The following ATPAF1 variants were observed in gnomAD, a reference collection of about 807,000 sequenced individuals.
ATPAF1 encodes the protein ATP synthase mitochondrial F1 complex assembly factor 1.
ATPAF1 carries 26 observed loss-of-function variants against 43.9 expected under a neutral mutation model. The observed-to-expected ratio is 0.59, with a 90% CI of 0.43 to 0.82. The LOEUF is 0.82. Ranked by LOEUF, ATPAF1 falls within the 40% of genes least tolerant of loss-of-function variation. ATPAF1 has a pLI of 0.00. For synonymous variants in ATPAF1, 157 were observed against 168.0 expected, an observed-to-expected ratio of 0.93 and a Z score of 0.50; for missense variants, 366 against 435.0, an observed-to-expected ratio of 0.84 and a Z score of 1.41.
chr1:46,658,598 A>C, intron 3 of ATPAF1, 89 bp downstream of exon 3: 1 of 943,854 alleles, frequency 1.1e-6, no homozygotes, highest in Non-Finnish European at 1.6e-6. Context: ...TCACTGAGCC[A>C]CAGTACTTAT....
chr1:46,665,628 T>C (rs1557430124), intron 1 of ATPAF1: 38 of 1,520,038 alleles, frequency 2.5e-5, no homozygotes, highest in Non-Finnish European at 3.2e-5. Flanking sequence ...ACACAGGGCT[T>C]AGTCTCTCAG....
chr1:46,641,418 TTCTC>T (rs1487842227), intron 8 of ATPAF1, among the ~76,000 whole-genome samples: 1 of 152,166 alleles, frequency 6.6e-6, no homozygotes, highest in African/African-American at 2.4e-5. Context: ...TATGTTTTCT[TTCTC>T]ATATTTGAAA....
chr1:46,668,151 C>T lies in ATPAF1; in HGVS notation c.172G>A (p.Gly58Arg), dbSNP rs758830832. The change falls in exon 1 of 9, where the codon GGG becomes AGG. Residue 58 changes from glycine (G) to arginine (R), a missense_variant. Physicochemically the swap from Gly to Arg is moderately radical, Grantham distance 125 (BLOSUM62 -2). This residue lies in a region of ATPAF1 where 186 missense variants were observed against 168.5 expected (regional missense o/e 1.10). Coordinates refer to ENST00000574428, the Ensembl canonical transcript of ATPAF1. The surrounding 1 kb of genome is among the most constrained non-coding windows in gnomAD (Gnocchi z 4.4). Reference sequence around the variant, plus strand: ...CCGACCCCGCTGCTGTCGGCGCCCCCCTCGGGCCGGCCCGAGCCGGGGCGC... The same window carrying T: ...CCGACCCCGCTGCTGTCGGCGCCCCTCTCGGGCCGGCCCGAGCCGGGGCGC... 4 of 1,404,792 alleles carry T rather than the reference C, an allele frequency of 2.8e-6. No individual in the cohort carries two copies. Among genetic ancestry groups the T allele is most frequent in the South Asian group, 1.6e-5 (1 of 64,446 alleles). 87.0% of individuals were successfully genotyped at this position (1,404,792 alleles called of 1,614,324 possible).
In ATPAF1 at chr1:46,653,797, T is replaced by C; in HGVS notation, c.540+20A>G. 1.2e-6 allele frequency: 2 copies of C among 1,602,568 alleles called. No individual in the cohort carries two copies. Among genetic ancestry groups the C allele is most frequent in the Non-Finnish European group, 1.7e-6 (2 of 1,174,596 alleles). ...ACTTTCATGTTGTAACACTTTCACT[T>C]TGCCCTCCAAACTACTTACAGGAAT... On this transcript the variant is annotated intron_variant, in intron 5 of 8. Coordinates refer to ENST00000574428, the Ensembl canonical transcript of ATPAF1. The surrounding 1 kb of genome is among the most constrained non-coding windows in gnomAD (Gnocchi z 4.8).
At chr1:46,643,936 G>C (rs1401360194) in intron 7 of ATPAF1, among the ~76,000 whole-genome samples, 1 of 152,044 alleles carries the variant, frequency 6.6e-6, no homozygotes, top group African/African-American at 2.4e-5. Flanking sequence ...TAGCACAGGT[G>C]GAAACAACTA....
chr1:46,650,306 T>C (rs528788045), intron 6 of ATPAF1, among the ~76,000 whole-genome samples: 2 of 151,936 alleles, frequency 1.3e-5, no homozygotes, highest in East Asian at 3.9e-4. Flanking sequence ...GGAGGGTCAT[T>C]TGAGGCCAGG....
chr1:46,654,280 T>C lies in ATPAF1; in HGVS notation c.490-413A>G, dbSNP rs80311253. ...GGCAGACCTGGATGCGAATCTCAGC[T>C]CCAGTCATTTACTAGCTATACTACC... On this transcript the variant is annotated intron_variant, in intron 4 of 8. Transcript: ENST00000574428. Among the ~76,000 whole-genome samples the C allele has an allele frequency of 5.9e-3, 898 of 152,146 alleles. 11 individuals carry two copies. Among genetic ancestry groups the C allele is most frequent in the East Asian group, 0.033 (173 of 5,184 alleles).
chr1:46,658,089 A>T (rs746282726), intron 4 of ATPAF1, 38 bp downstream of exon 4: 1 of 1,582,530 alleles, frequency 6.3e-7, no homozygotes, highest in Admixed American at 1.8e-5. Flanking sequence ...CAGAATTCAC[A>T]TTTTCATAGA....
Position 46,659,611 on chromosome 1 carries a change from G to A in ATPAF1, c.376-874C>T, listed in dbSNP as rs117791252. On this transcript the variant is annotated intron_variant, in intron 2 of 8. Coordinates refer to ENST00000574428, the Ensembl canonical transcript of ATPAF1. The stretch of plus-strand genomic sequence containing the variant: ...CAACTGAAAGTGATTATTTTGTCTC[G>A]TAGCCATTATCTCTCATAAAGGTCA... Among the ~76,000 whole-genome samples, 2,380 of 152,212 alleles carry A rather than the reference G, an allele frequency of 0.016. 126 individuals carry two copies. The East Asian group carries it at 0.19, about 12-fold the overall frequency.
chr1:46,641,363 G>C (rs1402692964), intron 8 of ATPAF1, among the ~76,000 whole-genome samples: 1 of 34,304 alleles, frequency 2.9e-5, no homozygotes, highest in Non-Finnish European at 1.3e-3. Context: ...ACAAGCATGA[G>C]CCACTGTCCC....
chr1:46,664,013 T>C (rs1676446051), intron 2 of ATPAF1: 3 of 755,062 alleles, frequency 4.0e-6, no homozygotes, highest in South Asian at 1.8e-5. Flanking sequence ...GAATAAAAAG[T>C]AATAAGAATG....
chr1:46,648,460 C>T (rs1351475954), intron 6 of ATPAF1, among the ~76,000 whole-genome samples: 1 of 152,058 alleles, frequency 6.6e-6, no homozygotes, highest in Non-Finnish European at 1.5e-5. Context: ...CCGGTCTGGG[C>T]TCACTATAAC....
At position 46,668,364 on chromosome 1, in the gene ATPAF1, C is replaced by T. The variant is rs1676532368; in HGVS notation, c.-42G>A. On this transcript the variant is annotated 5_prime_UTR_variant, in exon 1 of 9. Transcript: ENST00000574428. The surrounding 1 kb of genome is among the most constrained non-coding windows in gnomAD (Gnocchi z 4.4). ...TCCTCCTCCTCAGGCGCGTCGGCCT[C>T]GGCCCGCGGCCCGCGCGCCCGCTCC... The T allele has an allele frequency of 9.4e-6, 12 of 1,270,830 alleles. No individual in the cohort carries two copies. The highest frequency in any genetic ancestry group is 3.1e-4 in the Middle Eastern group (1 of 3,248). The allele number at this position is 1,270,830 out of a possible 1,614,324, so 78.7% of individuals were successfully genotyped here.
chr1:46,649,313 A>T (rs2486162), intron 6 of ATPAF1, among the ~76,000 whole-genome samples: 21,321 of 152,120 alleles, frequency 0.14, 3,827 homozygotes, highest in African/African-American at 0.4. Context: ...TCTAATTTAT[A>T]GACACCTTTG....
At chr1:46,645,251 T>C (rs949379535) in exon 7 of ATPAF1, 7 of 1,611,916 alleles carry the variant, frequency 4.3e-6, no homozygotes, top group South Asian at 2.2e-5. Context: ...GCAGAGCACA[T>C]AGAAACTGTG....
intron 1 of ATPAF1, chr1:46,665,591 T>C: frequency 7.2e-7 from 1 of 1,391,390 alleles, no homozygotes; most frequent in Non-Finnish European, 9.8e-7. Context: ...TGTAACATTT[T>C]TCTTTTGCAG....
intron 6 of ATPAF1, among the ~76,000 whole-genome samples, chr1:46,650,266 G>A (rs1240324831): frequency 6.6e-6 from 1 of 151,618 alleles, no homozygotes; most frequent in African/African-American, 2.4e-5. Context: ...AAGACAACCT[G>A]TAATCCCAGC....
chr1:46,668,527 C>T (rs1187656294), upstream of ATPAF1: 1 of 604,226 alleles, frequency 1.7e-6, no homozygotes, highest in Non-Finnish European at 2.2e-6. This position sits in a 1 kb window ranked among gnomAD's most constrained non-coding sequence, Gnocchi z 4.4. Flanking sequence ...GCGCTCTCGC[C>T]GCCCTGTGTA....
chr1:46,643,242 T>G lies in ATPAF1; in HGVS notation c.744A>C (p.Glu248Asp), dbSNP rs765373799. 1.2e-5 allele frequency: 20 copies of G among 1,613,892 alleles called. No individual in the cohort carries two copies. In the South Asian group the frequency reaches 2.0e-4, roughly 16 times the overall value. Reference sequence around the variant, plus strand: ...CAGTCATCAGCACTATGCCCTTTTCTTCCTTAAGTTCAGGATAGTGATATA... The same window carrying G: ...CAGTCATCAGCACTATGCCCTTTTCGTCCTTAAGTTCAGGATAGTGATATA... The change falls in exon 8 of 9, where the codon GAA (glutamate) becomes GAC (aspartate). Residue 248 changes from glutamate (E) to aspartate (D), a missense_variant. Glu to Asp is a conservative substitution (Grantham distance 45, BLOSUM62 2). This residue lies in a region of ATPAF1 where 180 missense variants were observed against 266.5 expected (regional missense o/e 0.68). Coordinates refer to ENST00000574428, the Ensembl canonical transcript of ATPAF1.
Sources: gnomAD v4.1 joint callset for allele counts (sites outside exome capture counted in the v4.1 genomes callset) on GRCh38, gnomAD v4.1.1 for gene constraint, gnomAD v4.1.1 regional missense constraint, Gnocchi (gnomAD v3.1) non-coding constraint, MANE v1.5 for transcripts, NCBI Gene and HGNC (gene_info 2026-07-23, HGNC 2026-07-21) for gene names.